Variants in PLAC1 observed in about 807,000 individuals in gnomAD.
The protein encoded by PLAC1 is placenta associated 1, also known as placenta-specific protein 1.
For synonymous variants in PLAC1, 68 were observed against 62.1 expected (o/e 1.09, Z -0.44); for missense variants, 136 against 163.2 (o/e 0.83, Z 0.91).
chrX:134,653,973 T>G (rs1015259117), intron 1 of PLAC1, among the ~76,000 whole-genome samples: 1 of 112,112 alleles, frequency 8.9e-6, no homozygotes, highest in East Asian at 2.8e-4. Flanking sequence ...CCAATCATCC[T>G]TCCCATTTGC....
At chrX:134,617,017 C>T (rs777385022) in intron 1 of PLAC1, among the ~76,000 whole-genome samples, 2 of 107,144 alleles carry the variant, frequency 1.9e-5, no homozygotes, top group Admixed American at 2.0e-4. Flanking sequence ...GAGACTGGGT[C>T]TGGCTCTTTT....
chrX:134,616,819 A>G (rs972015801), intron 1 of PLAC1, among the ~76,000 whole-genome samples: 3 of 106,994 alleles, frequency 2.8e-5, no homozygotes, highest in African/African-American at 1.0e-4. Flanking sequence ...TCTGTCACCC[A>G]GGCTGGAGTG....
rs150916003 is a variant in PLAC1 at position 134,576,779 on chromosome X, T to A, written c.-58-10039A>T. On this transcript the variant is annotated intron_variant, in intron 2 of 2. Coordinates refer to ENST00000359237, the MANE Select transcript of PLAC1 (RefSeq NM_021796.4). ...GACATGTAGGAAGAAGGCGGCCATG[T>A]GCATCACTCCAATGATGTGCCTGCA... Among the ~76,000 whole-genome samples, 1,016 of 110,822 alleles carry A rather than the reference T, an allele frequency of 9.2e-3. 14 individuals carry two copies. Among genetic ancestry groups the A allele is most frequent in the African/African-American group, 0.032 (969 of 30,449 alleles).
intron 2 of PLAC1, among the ~76,000 whole-genome samples, chrX:134,703,087 C>T (rs980546083): frequency 8.9e-6 from 1 of 111,825 alleles, no homozygotes; most frequent in African/African-American, 3.2e-5. Context: ...GGGAAGGCTG[C>T]TATGGTTAGT....
At chrX:134,707,406 C>T (rs1351469181) in intron 2 of PLAC1, among the ~76,000 whole-genome samples, 1 of 112,341 alleles carries the variant, frequency 8.9e-6, no homozygotes, top group Admixed American at 9.4e-5. Context: ...CTGCACCCAT[C>T]AACCTGTCAT....
At chrX:134,732,531 C>T (rs2078691705) in intron 2 of PLAC1, among the ~76,000 whole-genome samples, 1 of 110,881 alleles carries the variant, frequency 9.0e-6, no homozygotes, top group South Asian at 3.7e-4. Flanking sequence ...ACGATGCTTA[C>T]CCCATTTTTT....
intron 1 of PLAC1, among the ~76,000 whole-genome samples, chrX:134,625,692 G>A (rs1166991071): frequency 9.0e-6 from 1 of 111,382 alleles, no homozygotes; most frequent in Non-Finnish European, 1.9e-5. Context: ...CTGCTTCCTT[G>A]GCTTCAGTTT....
chrX:134,646,764 A>G (rs1036370367), intron 1 of PLAC1, among the ~76,000 whole-genome samples: 18 of 112,339 alleles, frequency 1.6e-4, no homozygotes, highest in Non-Finnish European at 1.7e-4. Context: ...AAAGTGAAGG[A>G]CTTTGGGGAA....
chrX:134,680,604 T>TAAACTAAACTAAACTAAACA (rs56218238), intron 2 of PLAC1, among the ~76,000 whole-genome samples: 5,820 of 102,560 alleles, frequency 0.057, 194 homozygotes, highest in Middle Eastern at 0.077. Context: ...TAAACTAAAC[T>TAAACTAAACTAAACTAAACA]AAACACCTTC....
chrX:134,739,977 C>G (rs1186619016), intron 1 of PLAC1, among the ~76,000 whole-genome samples: 2 of 111,725 alleles, frequency 1.8e-5, no homozygotes, highest in Non-Finnish European at 3.8e-5. Context: ...AATGGTAACA[C>G]TAAAAGTAAT....
intron 2 of PLAC1, among the ~76,000 whole-genome samples, chrX:134,587,396 A>AAAATAAATAAATAAAT (rs376170313): frequency 3.7e-4 from 39 of 105,117 alleles, no homozygotes; most frequent in Non-Finnish European, 5.5e-4. Flanking sequence ...TGTCTTTACA[A>AAAATAAATAAATAAAT]AAATAAATAA....
chrX:134,583,246 CTTGTT>C (rs74700324), intron 2 of PLAC1, among the ~76,000 whole-genome samples: 1 of 106,044 alleles, frequency 9.4e-6, no homozygotes, highest in African/African-American at 3.4e-5. Flanking sequence ...GGAGGGTTTT[CTTGTT>C]TTGTTTTGTT....
intron 2 of PLAC1, among the ~76,000 whole-genome samples, chrX:134,687,815 C>CATATATATAT (rs56675396): frequency 3.2e-5 from 1 of 31,143 alleles, no homozygotes; most frequent in African/African-American, 1.5e-4. Context: ...ACTGAGATAA[C>CATATATATAT]ATATATATAT....
chrX:134,739,616 T>C (rs1472999723), intron 1 of PLAC1, among the ~76,000 whole-genome samples: 1 of 112,728 alleles, frequency 8.9e-6, no homozygotes, highest in African/African-American at 3.2e-5. Context: ...TTGTGTGATC[T>C]GACAAAGACA....
intron 1 of PLAC1, among the ~76,000 whole-genome samples, chrX:134,755,736 G>C (rs768731991): frequency 9.1e-6 from 1 of 109,549 alleles, no homozygotes; most frequent in Non-Finnish European, 1.9e-5. Flanking sequence ...AGACTTTTTA[G>C]CCTTTTTTCT....
intron 2 of PLAC1, among the ~76,000 whole-genome samples, chrX:134,595,423 T>C (rs1602816314): frequency 9.1e-6 from 1 of 110,187 alleles, no homozygotes; most frequent in Non-Finnish European, 1.9e-5. Context: ...AGTTGTTCTA[T>C]CAATTGTAAG....
At chrX:134,700,038 G>T (rs191964104) in intron 2 of PLAC1, among the ~76,000 whole-genome samples, 1 of 111,265 alleles carries the variant, frequency 9.0e-6, no homozygotes, top group East Asian at 2.8e-4. Context: ...CCAGGTTCCT[G>T]CCTCCTAATT....
At chrX:134,755,334 T>A (rs1436125621) in intron 1 of PLAC1, among the ~76,000 whole-genome samples, 1 of 112,705 alleles carries the variant, frequency 8.9e-6, no homozygotes, top group Non-Finnish European at 1.9e-5. Flanking sequence ...GTTTGTTTGT[T>A]CATTGATTTG....
intron 1 of PLAC1, among the ~76,000 whole-genome samples, chrX:134,753,047 C>G (rs889077323): frequency 1.8e-5 from 2 of 111,335 alleles, no homozygotes; most frequent in Non-Finnish European, 1.9e-5. Context: ...GATGAAGAAA[C>G]TGCTCTCTTT....
Sources: gnomAD v4.1 joint callset for allele counts (sites outside exome capture counted in the v4.1 genomes callset) on GRCh38, gnomAD v4.1.1 for gene constraint, MANE v1.5 for transcripts, NCBI Gene and HGNC (gene_info 2026-07-23, HGNC 2026-07-21) for gene names.